The following KCNMA1 variants were observed in gnomAD, a reference collection of about 807,000 sequenced individuals.
The protein encoded by KCNMA1 is Calcium-activated potassium channel subunit alpha-1.
Under a neutral mutation model 140.0 loss-of-function variants are expected in KCNMA1, and 29 were observed. The observed-to-expected ratio is 0.21, with a 90% CI of 0.15 to 0.28. The LOEUF is 0.28. Ranked by LOEUF, KCNMA1 falls within the 10% of genes least tolerant of loss-of-function variation. The probability of loss-of-function intolerance (pLI) is 1.00; values close to 1 mark genes in which losing one functional copy is unlikely to be tolerated. For missense variants in KCNMA1, 880 were observed against 1,602.2 expected (o/e 0.55, Z 7.70); for synonymous variants, 612 against 611.9 (o/e 1.00, Z 0.00).
chr10:77,339,609 GT>G (rs2090310045), intron 2 of KCNMA1, among the ~76,000 whole-genome samples: 1 of 152,172 alleles, frequency 6.6e-6, no homozygotes, highest in South Asian at 2.1e-4. Flanking sequence ...AGAACTAAAT[GT>G]TTCCCTCCAC....
chr10:77,103,020 C>T (rs759381499), intron 9 of KCNMA1, among the ~76,000 whole-genome samples: 4 of 152,020 alleles, frequency 2.6e-5, no homozygotes, highest in Non-Finnish European at 5.9e-5. Context: ...GTGAATGAAC[C>T]GATGGAGAGG....
At chr10:77,100,806 T>C (rs11002014) in intron 9 of KCNMA1, among the ~76,000 whole-genome samples, 12,507 of 152,262 alleles carry the variant, frequency 0.082, 656 homozygotes, top group Non-Finnish European at 0.12. Flanking sequence ...AAAGGAGCCA[T>C]TGATCAGAAT....
intron 17 of KCNMA1, among the ~76,000 whole-genome samples, chr10:77,014,405 G>C (rs971044427): frequency 6.7e-6 from 1 of 149,690 alleles, no homozygotes; most frequent in Non-Finnish European, 1.5e-5. Context: ...CAGCCTGGGA[G>C]CCTGGGCAAT....
chr10:77,031,929 G>A (rs2093964911), intron 15 of KCNMA1, among the ~76,000 whole-genome samples: 1 of 152,196 alleles, frequency 6.6e-6, no homozygotes, highest in Non-Finnish European at 1.5e-5. Context: ...ATGGAGAAAA[G>A]ATAAAGTGGC....
chr10:77,577,208 G>C (rs753835554), intron 1 of KCNMA1, among the ~76,000 whole-genome samples: 1 of 151,426 alleles, frequency 6.6e-6, no homozygotes, highest in African/African-American at 2.4e-5. Context: ...CACCATGCCC[G>C]GCTAATTTTT....
At chr10:76,888,859 G>A (rs1438401013) in intron 27 of KCNMA1, among the ~76,000 whole-genome samples, 1 of 152,122 alleles carries the variant, frequency 6.6e-6, no homozygotes, top group Non-Finnish European at 1.5e-5. Context: ...GAGGTCAGGA[G>A]TTCGAGACCA....
intron 1 of KCNMA1, among the ~76,000 whole-genome samples, chr10:77,598,726 G>T (rs2081688355): frequency 6.6e-6 from 1 of 152,192 alleles, no homozygotes; most frequent in African/African-American, 2.4e-5. Flanking sequence ...ACAACCGCCT[G>T]GCTCTCTCCT....
intron 1 of KCNMA1, among the ~76,000 whole-genome samples, chr10:77,618,927 C>T (rs1156906664): frequency 6.6e-6 from 1 of 152,140 alleles, no homozygotes; most frequent in Non-Finnish European, 1.5e-5. Context: ...AGAAGTCCGG[C>T]AGTGTGAACA....
chr10:77,163,304 C>G (rs1469547659), intron 5 of KCNMA1, among the ~76,000 whole-genome samples: 1 of 152,206 alleles, frequency 6.6e-6, no homozygotes, highest in Non-Finnish European at 1.5e-5. Flanking sequence ...TATGTCCACT[C>G]TTTTACCTAT....
intron 1 of KCNMA1, among the ~76,000 whole-genome samples, chr10:77,570,593 A>AGGGGGGGG (rs1416649381): frequency 2.4e-5 from 1 of 40,858 alleles, no homozygotes; most frequent in Non-Finnish European, 4.5e-5. Flanking sequence ...GTTGTGGGGT[A>AGGGGGGGG]GGGGGAGGGG....
chr10:77,012,366 G>A (rs1482528384), intron 17 of KCNMA1: 1 of 1,499,476 alleles, frequency 6.7e-7, no homozygotes, highest in Non-Finnish European at 8.9e-7. Flanking sequence ...TGCTACTCGT[G>A]GGGACATGTG....
chr10:77,478,963 G>A (rs1375866539), intron 1 of KCNMA1, among the ~76,000 whole-genome samples: 3 of 152,146 alleles, frequency 2.0e-5, no homozygotes, highest in East Asian at 1.9e-4. Context: ...ACACTAAATC[G>A]CACATATTCT....
At position 76,885,140 on chromosome 10, in the gene KCNMA1, C is replaced by T. The variant is rs1293433902; in HGVS notation, c.*2126G>A. 1.4e-6 allele frequency: 2 copies of T among 1,408,526 alleles called. No homozygotes were observed. The highest frequency in any genetic ancestry group is 1.7e-5 in the South Asian group (1 of 57,624). The allele number at this position is 1,408,526 out of a possible 1,614,324, so 87.3% of individuals were successfully genotyped here. A position where few individuals can be genotyped will look rare whatever the true frequency, so the allele number is the denominator to read the frequency against. On this transcript the variant is annotated 3_prime_UTR_variant, in exon 28 of 28. Transcript: ENST00000286628. ...ATGTTCTGAGGGCGTAACTTTATAA[C>T]CTCCTTTGCAAAGAATGCATGAAGA... is the stretch of plus-strand genomic sequence containing the variant.
chr10:77,051,035 G>A (rs1388950857), intron 14 of KCNMA1, among the ~76,000 whole-genome samples: 1 of 152,136 alleles, frequency 6.6e-6, no homozygotes, highest in East Asian at 1.9e-4. Context: ...TTGGAATGTG[G>A]GTTGTGTAGA....
chr10:77,422,313 T>G (rs933079562), intron 1 of KCNMA1, among the ~76,000 whole-genome samples: 1 of 152,156 alleles, frequency 6.6e-6, no homozygotes, highest in South Asian at 2.1e-4. Flanking sequence ...TAGGCTTAGG[T>G]TGGAGCATAA....
Position 76,908,990 on chromosome 10 carries a change from A to G in KCNMA1, c.3147+976T>C, listed in dbSNP as rs1231931873. ...GTTTTTCGGTTGCAAAAGTGAAAAA[A>G]CAAATGCCTGATTGCTAGATGCACA... On this transcript the variant is annotated intron_variant, in intron 25 of 27. Coordinates refer to ENST00000286628, the MANE Select transcript of KCNMA1 (RefSeq NM_001161352.2). Among the ~76,000 whole-genome samples, 3 of 152,312 alleles carry G rather than the reference A, an allele frequency of 2.0e-5. No individual in the cohort carries two copies. The East Asian group carries it at 5.8e-4, about 29-fold the overall frequency.
chr10:76,934,511 T>C (rs1234174371), intron 23 of KCNMA1, among the ~76,000 whole-genome samples: 3 of 152,172 alleles, frequency 2.0e-5, no homozygotes, highest in African/African-American at 7.2e-5. Flanking sequence ...TACACTGAAA[T>C]GTTCCAAGCC....
intron 1 of KCNMA1, among the ~76,000 whole-genome samples, chr10:77,538,192 T>A (rs116575526): frequency 0.02 from 2,953 of 151,218 alleles, 107 homozygotes; most frequent in African/African-American, 0.068. Flanking sequence ...CTAGACACAC[T>A]CATACTCACA....
chr10:77,298,399 G>C (rs765908977), intron 2 of KCNMA1, among the ~76,000 whole-genome samples: 3 of 152,010 alleles, frequency 2.0e-5, no homozygotes, highest in African/African-American at 7.2e-5. Flanking sequence ...TCACCACCAC[G>C]CTCAGCTAAT....
Sources: allele counts gnomAD v4.1 joint callset (sites outside exome capture counted in the v4.1 genomes callset), GRCh38; gene constraint gnomAD v4.1.1; transcripts MANE v1.5; gene names NCBI Gene and HGNC (gene_info 2026-07-23, HGNC 2026-07-21).